NINJ2: variants seen among roughly 807,000 people sequenced by gnomAD.
The protein encoded by NINJ2 is ninjurin 2.
Under a neutral mutation model 11.7 loss-of-function variants are expected in NINJ2, and 12 were observed. That is an observed-to-expected ratio of 1.02 (90% CI 0.66 to 1.66). The LOEUF is 1.66. Among genes scored for constraint, NINJ2 ranks in the 40% most tolerant of loss-of-function variants. NINJ2 has a pLI of 0.00. For synonymous variants in NINJ2, 93 were observed against 76.8 expected, an observed-to-expected ratio of 1.21 and a Z score of -1.10; for missense variants, 187 against 181.8, an observed-to-expected ratio of 1.03 and a Z score of -0.16.
At position 662,965 on chromosome 12, in the gene NINJ2, C is replaced by CCAGAGAACTG. The variant is rs113365778; in HGVS notation, c.33+362_33+363insCAGTTCTCTG. ...CTCAAAACTCATATATTTCCTGTCT[C>CCAGAGAACTG]CCCGGCAGCTCTAAGAGAAGTCTCT... On this transcript the variant is annotated intron_variant, in intron 1 of 3. Coordinates refer to ENST00000305108, the MANE Select transcript of NINJ2 (RefSeq NM_016533.6). Among the ~76,000 whole-genome samples, 6 of 152,210 alleles carry CCAGAGAACTG rather than the reference C, an allele frequency of 3.9e-5. No homozygotes were observed. The East Asian group carries it at 5.8e-4, about 15-fold the overall frequency.
At chr12:576,039 A>C (rs1394269636) in intron 1 of NINJ2, among the ~76,000 whole-genome samples, 2 of 152,172 alleles carry the variant, frequency 1.3e-5, no homozygotes. Flanking sequence ...AGCCAAGAGC[A>C]GTGATCTCGC....
At chr12:646,206 C>G (rs1412506534) in intron 1 of NINJ2, among the ~76,000 whole-genome samples, 1 of 152,196 alleles carries the variant, frequency 6.6e-6, no homozygotes, top group African/African-American at 2.4e-5. Flanking sequence ...CCCCTCCATC[C>G]TACCTGCCTC....
chr12:619,217 G>A (rs947482551), intron 1 of NINJ2, among the ~76,000 whole-genome samples: 66 of 152,276 alleles, frequency 4.3e-4, no homozygotes, highest in African/African-American at 1.5e-3. Context: ...CCCCAAGCTG[G>A]GCACTTGGGG....
At chr12:639,821 G>A (rs1404942921) in intron 1 of NINJ2, among the ~76,000 whole-genome samples, 1 of 152,230 alleles carries the variant, frequency 6.6e-6, no homozygotes, top group South Asian at 2.1e-4. Flanking sequence ...TGGTCCAGGT[G>A]TAACAAATCC....
At chr12:611,593 C>T (rs1242346238) in intron 1 of NINJ2, among the ~76,000 whole-genome samples, 10 of 152,374 alleles carry the variant, frequency 6.6e-5, no homozygotes, top group Middle Eastern at 3.4e-3. Flanking sequence ...CTGCCTCAGC[C>T]TCCCAAAGTT....
chr12:645,034 G>C (rs183488597), intron 1 of NINJ2: 1 of 152,272 alleles, frequency 6.6e-6, no homozygotes, highest in African/African-American at 2.4e-5. Context: ...TCCAGACTGC[G>C]AGACAATCTC....
At chr12:613,693 C>A (rs1299796499) in intron 1 of NINJ2, among the ~76,000 whole-genome samples, 4 of 152,100 alleles carry the variant, frequency 2.6e-5, no homozygotes, top group African/African-American at 9.7e-5. Context: ...ATCACGAGGT[C>A]AGGAGATCAA....
At chr12:587,602 C>T (rs1185683958) in intron 1 of NINJ2, among the ~76,000 whole-genome samples, 2 of 152,072 alleles carry the variant, frequency 1.3e-5, no homozygotes, top group South Asian at 2.1e-4. Context: ...AGTCTTGGCC[C>T]GATGCTTGTG....
chr12:615,686 C>T (rs1476324075), intron 1 of NINJ2, among the ~76,000 whole-genome samples: 1 of 151,968 alleles, frequency 6.6e-6, no homozygotes, highest in Non-Finnish European at 1.5e-5. Flanking sequence ...ATTTATCCCT[C>T]TTTCTCAGTT....
intron 1 of NINJ2, among the ~76,000 whole-genome samples, chr12:577,618 C>G (rs1947487388): frequency 6.6e-6 from 1 of 151,416 alleles, no homozygotes; most frequent in Non-Finnish European, 1.5e-5. Flanking sequence ...GCCCCAGTGT[C>G]TAAATCCTAA....
At chr12:574,275 T>C (rs1947420821) in intron 1 of NINJ2, among the ~76,000 whole-genome samples, 1 of 151,958 alleles carries the variant, frequency 6.6e-6, no homozygotes, top group Non-Finnish European at 1.5e-5. Context: ...AGTGAGCTGA[T>C]ATTGTGCCAC....
intron 1 of NINJ2, among the ~76,000 whole-genome samples, chr12:613,257 T>C (rs1948055542): frequency 6.6e-6 from 1 of 152,224 alleles, no homozygotes; most frequent in Non-Finnish European, 1.5e-5. Flanking sequence ...TGAAAATGTA[T>C]CCTTTTCTCC....
chr12:576,679 C>T (rs1947466081), intron 1 of NINJ2, among the ~76,000 whole-genome samples: 1 of 152,228 alleles, frequency 6.6e-6, no homozygotes, highest in Admixed American at 6.5e-5. Context: ...TCTCAGGGAG[C>T]ATTTTCCACC....
chr12:624,668 G>T lies in NINJ2; in HGVS notation c.33+38660C>A, dbSNP rs148403674. On this transcript the variant is annotated intron_variant, in intron 1 of 3. Transcript: ENST00000305108. ...ACTAAAAATACAAACAATTAGCCAG[G>T]CGTGGTGGCATGTGCCTGTAATCTC... Among the ~76,000 whole-genome samples, 897 of 150,314 alleles carry T rather than the reference G, an allele frequency of 6.0e-3. 2 individuals carry two copies. Among genetic ancestry groups the T allele is most frequent in the Non-Finnish European group, 9.2e-3 (624 of 67,656 alleles).
intron 1 of NINJ2, among the ~76,000 whole-genome samples, chr12:594,932 T>G (rs1314229872): frequency 6.6e-6 from 1 of 152,202 alleles, no homozygotes; most frequent in Non-Finnish European, 1.5e-5. Flanking sequence ...TCAAGACTTA[T>G]TTAATACAAA....
At chr12:565,868 G>T in intron 2 of NINJ2, 82 bp downstream of exon 2, 1 of 1,188,718 alleles carries the variant, frequency 8.4e-7, no homozygotes. Flanking sequence ...GCCAATGCAG[G>T]GTGGCCCAGG....
chr12:656,748 C>CAA (rs397702753), intron 1 of NINJ2, among the ~76,000 whole-genome samples: 41 of 106,520 alleles, frequency 3.8e-4, no homozygotes, highest in Non-Finnish European at 4.7e-4. Context: ...GACTCTGTCT[C>CAA]AAAAAAAAAA....
At chr12:611,029 C>A (rs1466845953) in intron 1 of NINJ2, among the ~76,000 whole-genome samples, 3 of 152,176 alleles carry the variant, frequency 2.0e-5, no homozygotes, top group African/African-American at 7.2e-5. Flanking sequence ...GCCACGGCAC[C>A]TAGGCTGGAC....
At chr12:611,175 T>C (rs1475265169) in intron 1 of NINJ2, among the ~76,000 whole-genome samples, 1 of 149,238 alleles carries the variant, frequency 6.7e-6, no homozygotes, top group Non-Finnish European at 1.5e-5. Context: ...CTTTCTTTCC[T>C]TCTTTTCTTT....
Sources: allele counts gnomAD v4.1 joint callset (sites outside exome capture counted in the v4.1 genomes callset), GRCh38; gene constraint gnomAD v4.1.1; transcripts MANE v1.5; gene names NCBI Gene and HGNC (gene_info 2026-07-23, HGNC 2026-07-21).